The following DNAH7 variants were observed in gnomAD, a reference collection of about 807,000 sequenced individuals.
The protein encoded by DNAH7 is dynein axonemal heavy chain 7, also known as axonemal beta dynein heavy chain 7.
DNAH7 carries 397 observed loss-of-function variants against 444.6 expected under a neutral mutation model. The ratio of observed to expected loss-of-function variants is 0.89; its 90% CI spans 0.82 to 0.97. DNAH7 has a LOEUF of 0.97. Among genes scored for constraint, DNAH7 ranks in the 50% least tolerant of loss-of-function variants. The pLI, the probability that DNAH7 is intolerant of heterozygous loss-of-function variation, is 0.00. For synonymous variants in DNAH7, 1,636 were observed against 1,624.4 expected (o/e 1.01, Z -0.17); for missense variants, 4,902 against 4,800.8 (o/e 1.02, Z -0.62).
At position 195,888,435 on chromosome 2, in the gene DNAH7, C is replaced by T. The variant is rs1701830754; in HGVS notation, c.5230-1G>A. 5 of 1,582,458 alleles carry T rather than the reference C, an allele frequency of 3.2e-6. No homozygotes were observed. Among genetic ancestry groups the T allele is most frequent in the Non-Finnish European group, 4.3e-6 (5 of 1,171,222 alleles). ...TGTAAATCATGCCACATCTGGAAACCTGGAAAGCCATAATTGGTTACCATC... is the reference window on the plus strand; with the variant it reads ...TGTAAATCATGCCACATCTGGAAACTTGGAAAGCCATAATTGGTTACCATC... On this transcript the variant is annotated splice_acceptor_variant, in intron 32 of 64. Coordinates refer to ENST00000312428, the MANE Select transcript of DNAH7 (RefSeq NM_018897.3). LOFTEE classifies it high-confidence loss of function.
chr2:195,910,101 CT>C lies in DNAH7; in HGVS notation c.4029del (p.Ala1344LeufsTer2). 1 of 1,613,922 alleles carries C rather than the reference CT, an allele frequency of 6.2e-7. No homozygotes were observed. Among genetic ancestry groups the C allele is most frequent in the Non-Finnish European group, 8.5e-7 (1 of 1,179,872 alleles). On this transcript the variant is annotated frameshift_variant, in exon 25 of 65. Transcript: ENST00000312428. LOFTEE classifies it high-confidence loss of function. ...GKTETTKDLAKAVAKQCVVFN... is the reference protein window; with the variant it reads ...GKTETTKDLAXAVAKQCVVFN... ...AAAACAACACATTGTTTGGCTACAG[CT>C]TTTGCCAAATCCTTGGTAGTTTCAG...
intron 7 of DNAH7, 78 bp downstream of exon 7, chr2:196,026,682 A>G: frequency 1.0e-6 from 1 of 973,122 alleles, no homozygotes; most frequent in Non-Finnish European, 1.5e-6. Context: ...AGTTTCAAGT[A>G]TAGGTATTAT....
chr2:196,058,076 C>A lies in DNAH7; in HGVS notation c.56G>T (p.Arg19Ile). ...TACCATAGACAGCTGTGGTAGAAAT[C>A]TTACTGGTTTCTTGGATTTTTCTTT... ...ASKEKSKKPV[R>I]FLPQLSMEKL... The change falls in exon 2 of 65, where the codon AGA becomes ATA. Residue 19 changes from arginine (R) to isoleucine (I), a missense_variant. Physicochemically the swap from Arg to Ile is moderately conservative, Grantham distance 97. Transcript: ENST00000312428. 2 of 1,576,622 alleles carry A rather than the reference C, an allele frequency of 1.3e-6. No homozygotes were observed. Among genetic ancestry groups the A allele is most frequent in the South Asian group, 1.2e-5 (1 of 84,894 alleles).
At chr2:195,963,229 A>G (rs969679738) in intron 17 of DNAH7, among the ~76,000 whole-genome samples, 4 of 152,326 alleles carry the variant, frequency 2.6e-5, no homozygotes, top group Non-Finnish European at 5.9e-5. Context: ...CCTTCCAATC[A>G]ACAGTGTAAG....
At chr2:195,984,324 A>T (rs1478980284) in intron 15 of DNAH7, among the ~76,000 whole-genome samples, 2 of 152,150 alleles carry the variant, frequency 1.3e-5, no homozygotes, top group African/African-American at 4.8e-5. Context: ...GTATTTTGAA[A>T]GTCATTATTA....
chr2:195,873,640 GT>G lies in DNAH7; in HGVS notation c.6340del (p.Thr2114GlnfsTer18). Reference protein sequence around the residue: ...PRYMRHFNIITINEFSDKSMY... With the variant: ...PRYMRHFNIIXINEFSDKSMY... ...GGATTTATCACTAAACTCATTGATT[GT>G]TATAATATTGAAATGTCGCATGTAT... On this transcript the variant is annotated frameshift_variant, in exon 39 of 65. Transcript: ENST00000312428. LOFTEE classifies it high-confidence loss of function. The G allele has an allele frequency of 6.5e-7, 1 of 1,530,344 alleles. No individual in the cohort carries two copies. Among genetic ancestry groups the G allele is most frequent in the South Asian group, 1.3e-5 (1 of 75,910 alleles). 94.8% of individuals were successfully genotyped at this position (1,530,344 alleles called of 1,614,324 possible).
intron 19 of DNAH7, among the ~76,000 whole-genome samples, chr2:195,955,272 T>TA (rs1273410174): frequency 4.6e-5 from 7 of 152,340 alleles, no homozygotes; most frequent in Admixed American, 3.9e-4. Flanking sequence ...CACCATTTAT[T>TA]AAATAGGGAA....
intron 61 of DNAH7, among the ~76,000 whole-genome samples, chr2:195,762,725 T>C (rs192011354): frequency 1.3e-5 from 2 of 152,188 alleles, no homozygotes; most frequent in Admixed American, 1.3e-4. Context: ...AACCAAGATA[T>C]ATAAAGCAAC....
At chr2:195,909,902 T>C in intron 25 of DNAH7, 125 bp downstream of exon 25, 1 of 957,328 alleles carries the variant, frequency 1.0e-6, no homozygotes, top group South Asian at 1.8e-5. Context: ...ATTGAGATAG[T>C]GCTTCAATTT....
At chr2:195,989,149 G>A (rs536788522) in intron 12 of DNAH7, among the ~76,000 whole-genome samples, 1 of 152,068 alleles carries the variant, frequency 6.6e-6, no homozygotes, top group African/African-American at 2.4e-5. Context: ...AATAAACATG[G>A]GAGTGCAAAT....
intron 10 of DNAH7, among the ~76,000 whole-genome samples, chr2:196,005,236 T>A (rs1461717072): frequency 1.3e-5 from 2 of 151,552 alleles, no homozygotes; most frequent in African/African-American, 4.9e-5. Flanking sequence ...ATGGCACCAC[T>A]GCATTCCAGC....
chr2:196,014,265 C>T (rs537248259), intron 9 of DNAH7, among the ~76,000 whole-genome samples: 1 of 152,270 alleles, frequency 6.6e-6, no homozygotes, highest in East Asian at 1.9e-4. Flanking sequence ...AAAGATATTA[C>T]TCACTATGCA....
At chr2:195,916,472 G>A (rs987842161) in intron 24 of DNAH7, among the ~76,000 whole-genome samples, 1 of 139,768 alleles carries the variant, frequency 7.2e-6, no homozygotes, top group African/African-American at 2.6e-5. Context: ...AATGTCAGGC[G>A]ACCGTCAGGT....
chr2:195,792,822 GGAGAGA>G (rs768594954), intron 57 of DNAH7, among the ~76,000 whole-genome samples: 1 of 150,882 alleles, frequency 6.6e-6, no homozygotes, highest in African/African-American at 2.4e-5. Flanking sequence ...AGGGGAAGGG[GGAGAGA>G]GAGAGAGAGG....
At chr2:195,961,775 A>G (rs1208993192) in intron 17 of DNAH7, among the ~76,000 whole-genome samples, 1 of 152,176 alleles carries the variant, frequency 6.6e-6, no homozygotes, top group Non-Finnish European at 1.5e-5. Context: ...TTTTTAATAC[A>G]CACAGCATTG....
intron 17 of DNAH7, among the ~76,000 whole-genome samples, chr2:195,967,413 A>G (rs1414482379): frequency 6.6e-6 from 1 of 152,192 alleles, no homozygotes; most frequent in Non-Finnish European, 1.5e-5. Context: ...AAACAGTATT[A>G]TAATAGTCTA....
chr2:195,963,095 G>T lies in DNAH7; in HGVS notation c.2206-2150C>A, dbSNP rs552109521. Among the ~76,000 whole-genome samples the T allele has an allele frequency of 4.5e-4, 69 of 152,278 alleles. 2 individuals are homozygous for T. The South Asian group carries it at 8.9e-3, about 20-fold the overall frequency. On this transcript the variant is annotated intron_variant, in intron 17 of 64. Transcript: ENST00000312428. The stretch of plus-strand genomic sequence containing the variant: ...ATCATGGGAATGCAGATATCTCTTT[G>T]ATATCTTGACTTCCTTTCTTTCGGG...
At chr2:195,844,947 G>T in intron 47 of DNAH7, 55 bp downstream of exon 47, 1 of 1,512,414 alleles carries the variant, frequency 6.6e-7, no homozygotes. Flanking sequence ...AAGGAACACA[G>T]ATAAATCTAC....
intron 19 of DNAH7, among the ~76,000 whole-genome samples, chr2:195,946,792 A>C (rs1689841779): frequency 6.6e-6 from 1 of 152,078 alleles, no homozygotes; most frequent in African/African-American, 2.4e-5. Context: ...GGAGAGAAGT[A>C]GAGTGGGAGA....
Sources: allele counts gnomAD v4.1 joint callset (sites outside exome capture counted in the v4.1 genomes callset), GRCh38; gene constraint gnomAD v4.1.1; transcripts MANE v1.5; gene names NCBI Gene and HGNC (gene_info 2026-07-23, HGNC 2026-07-21).